The following C12orf42 variants were observed in gnomAD, a reference collection of about 807,000 sequenced individuals.
C12orf42 encodes the protein chromosome 12 open reading frame 42.
Under a neutral mutation model 21.6 loss-of-function variants are expected in C12orf42, and 25 were observed. That is an observed-to-expected ratio of 1.16 (90% CI 0.84 to 1.62). The LOEUF is 1.62. Among genes scored for constraint, C12orf42 ranks in the 40% most tolerant of loss-of-function variants. The pLI is 0.00. For synonymous variants in C12orf42, 174 were observed against 175.0 expected, an observed-to-expected ratio of 0.99 and a Z score of 0.05; for missense variants, 483 against 459.3, an observed-to-expected ratio of 1.05 and a Z score of -0.47.
the C12orf42 span, among the ~76,000 whole-genome samples, chr12:103,068,341 G>A: frequency 6.6e-6 from 1 of 152,068 alleles, no homozygotes; most frequent in African/African-American, 2.4e-5. Flanking sequence ...TAGCATTTGG[G>A]TTTGGGATTG....
chr12:103,092,422 A>G, the C12orf42 span, among the ~76,000 whole-genome samples: 1 of 152,172 alleles, frequency 6.6e-6, no homozygotes, highest in Non-Finnish European at 1.5e-5. Context: ...GTAACCTTGG[A>G]GTTCCAGTCC....
At chr12:103,340,596 G>T (rs1469425336) in intron 4 of C12orf42, among the ~76,000 whole-genome samples, 1 of 152,020 alleles carries the variant, frequency 6.6e-6, no homozygotes, top group African/African-American at 2.4e-5. Flanking sequence ...GGTAAAATTT[G>T]CAATGTTTGC....
chr12:103,063,495 T>C, the C12orf42 span, among the ~76,000 whole-genome samples: 1 of 152,188 alleles, frequency 6.6e-6, no homozygotes, highest in Admixed American at 6.6e-5. Flanking sequence ...GAAACTTTTT[T>C]GCTGGAAGAA....
the C12orf42 span, among the ~76,000 whole-genome samples, chr12:103,093,427 G>T: frequency 1.4e-4 from 21 of 152,254 alleles, no homozygotes; most frequent in African/African-American, 5.1e-4. Flanking sequence ...AACAATCCTT[G>T]GTCTTTGAGT....
intron 4 of C12orf42, among the ~76,000 whole-genome samples, chr12:103,324,296 G>T (rs935489300): frequency 4.6e-5 from 7 of 152,202 alleles, no homozygotes; most frequent in Admixed American, 4.6e-4. Context: ...TAGAGTAGAA[G>T]AAGAGATAAT....
At chr12:103,178,730 C>G in the C12orf42 span, 1 of 152,132 alleles carries the variant, frequency 6.6e-6, no homozygotes, top group Non-Finnish European at 1.5e-5. Flanking sequence ...TTTGAGAAGC[C>G]TGCTCATATA....
the C12orf42 span, among the ~76,000 whole-genome samples, chr12:103,185,418 T>C: frequency 3.9e-5 from 6 of 152,166 alleles, no homozygotes; most frequent in Non-Finnish European, 8.8e-5. Flanking sequence ...GTGTGGACCA[T>C]TGGCATATGG....
chr12:103,153,780 T>C, the C12orf42 span, among the ~76,000 whole-genome samples: 2 of 152,152 alleles, frequency 1.3e-5, no homozygotes, highest in Middle Eastern at 6.8e-3. Context: ...CTGCATATCC[T>C]CTCACTCATC....
upstream of C12orf42, among the ~76,000 whole-genome samples, chr12:103,496,204 G>A (rs1364571952): frequency 6.6e-6 from 1 of 152,142 alleles, no homozygotes; most frequent in Non-Finnish European, 1.5e-5. Context: ...GGGGGATCCC[G>A]ATGTTTATCA....
the C12orf42 span, among the ~76,000 whole-genome samples, chr12:103,154,063 A>C: frequency 2.0e-5 from 3 of 147,328 alleles, no homozygotes; most frequent in South Asian, 6.4e-4. Flanking sequence ...ATGTGGAGGA[A>C]AGAAGCCAGA....
intron 4 of C12orf42, among the ~76,000 whole-genome samples, chr12:103,281,588 C>T (rs570811308): frequency 6.6e-5 from 10 of 152,048 alleles, no homozygotes; most frequent in Non-Finnish European, 1.3e-4. Context: ...GATCTCCTGA[C>T]CTCGTGATCT....
chr12:103,411,486 A>G (rs576356525), intron 2 of C12orf42, among the ~76,000 whole-genome samples: 3 of 152,342 alleles, frequency 2.0e-5, no homozygotes, highest in Admixed American at 6.5e-5. Context: ...GAATGTTTGT[A>G]TCTCTCCAAA....
chr12:103,190,079 G>A, the C12orf42 span, among the ~76,000 whole-genome samples: 6 of 152,122 alleles, frequency 3.9e-5, no homozygotes, highest in Non-Finnish European at 8.8e-5. Flanking sequence ...CTGCAAATTG[G>A]GGCAAAAGAG....
intron 10 of C12orf42, among the ~76,000 whole-genome samples, chr12:103,246,905 T>C (rs2034036275): frequency 6.6e-6 from 1 of 152,122 alleles, no homozygotes; most frequent in Non-Finnish European, 1.5e-5. Context: ...TATCAGTCTA[T>C]ATTATTTATT....
chr12:103,507,119 TTATATATAATATATATTA>T, the C12orf42 span, among the ~76,000 whole-genome samples: 2 of 11,964 alleles, frequency 1.7e-4, no homozygotes, highest in Non-Finnish European at 2.1e-4. Context: ...AAATATATAT[TTATATATAATATATATTA>T]TATATATAAT....
At chr12:103,424,757 C>T (rs1449311003) in intron 2 of C12orf42, among the ~76,000 whole-genome samples, 6 of 152,200 alleles carry the variant, frequency 3.9e-5, no homozygotes, top group South Asian at 4.1e-4. Context: ...GGGCAAACAC[C>T]GAGCTGGCTG....
the C12orf42 span, among the ~76,000 whole-genome samples, chr12:103,515,393 A>G: frequency 2.0e-5 from 3 of 152,246 alleles, no homozygotes; most frequent in Admixed American, 2.0e-4. Flanking sequence ...CAACAGGAAG[A>G]CTTCAAAATT....
intron 2 of C12orf42, among the ~76,000 whole-genome samples, chr12:103,458,071 A>G (rs1458751496): frequency 6.6e-6 from 1 of 152,170 alleles, no homozygotes; most frequent in Non-Finnish European, 1.5e-5. Context: ...AAGCTTAATC[A>G]CATATCTAGA....
the C12orf42 span, among the ~76,000 whole-genome samples, chr12:103,059,696 C>T: frequency 3.2e-4 from 48 of 152,096 alleles, 1 homozygote; most frequent in Non-Finnish European, 4.1e-4. Context: ...AAATGTAATC[C>T]GTCACATAAA....
Sources: gnomAD v4.1 joint callset for allele counts (sites outside exome capture counted in the v4.1 genomes callset) on GRCh38, gnomAD v4.1.1 for gene constraint, MANE v1.5 for transcripts, NCBI Gene and HGNC (gene_info 2026-07-23, HGNC 2026-07-21) for gene names.